The following RBM43 variants were observed in gnomAD, a reference collection of about 807,000 sequenced individuals.
RBM43 encodes the protein RNA-binding protein 43.
A neutral mutation model predicts 12.4 loss-of-function variants in RBM43; 12 were observed. The observed-to-expected ratio is 0.97, with a 90% CI of 0.62 to 1.57. RBM43 has a LOEUF of 1.57. Among genes scored for constraint, RBM43 ranks in the 40% most tolerant of loss-of-function variants. The pLI, the probability that RBM43 is intolerant of heterozygous loss-of-function variation, is 0.00. For missense variants in RBM43, 348 were observed against 400.1 expected (o/e 0.87, Z 1.11); for synonymous variants, 138 against 145.7 (o/e 0.95, Z 0.38).
Position 151,250,977 on chromosome 2 carries a change from T to C in RBM43, c.1003A>G (p.Ile335Val), listed in dbSNP as rs112745900. ...INLYRTHIDI[I>V]GSSSDTYLFK... ...AGGTAAGTGTCAGAAGAAGATCCTA[T>C]AATGTCAATGTGTGTCCTATAAAGG... The change falls in exon 4 of 4, where the codon ATA becomes GTA. Residue 335 changes from isoleucine (I) to valine (V), a missense_variant. Coordinates refer to ENST00000331426, the MANE Select transcript of RBM43 (RefSeq NM_198557.3). 157 of 1,612,670 alleles carry C rather than the reference T, an allele frequency of 9.7e-5. 1 individual carries two copies. In the African/African-American group the frequency reaches 1.7e-3, roughly 17 times the overall value.
chr2:151,252,798 G>C lies in RBM43; in HGVS notation c.272C>G (p.Ala91Gly). Reference protein sequence around the residue: ...KHWLARKTRHAELTVSLRVSH... With the variant: ...KHWLARKTRHGELTVSLRVSH... ...GACTCTGAGAGAGACTGTGAGTTCA[G>C]CATGTCTAGTCTTCCTTGCTAGCCA... The change falls in exon 3 of 4, where the codon GCT becomes GGT. Residue 91 changes from alanine (A) to glycine (G), a missense_variant. Transcript: ENST00000331426. The C allele has an allele frequency of 6.2e-7, 1 of 1,611,722 alleles. No individual in the cohort carries two copies. The highest frequency in any genetic ancestry group is 1.1e-5 in the South Asian group (1 of 91,002).
chr2:151,259,115 G>A (rs1683013035), intron 1 of RBM43, among the ~76,000 whole-genome samples: 2 of 147,242 alleles, frequency 1.4e-5, no homozygotes, highest in South Asian at 4.3e-4. Flanking sequence ...GCCTGCCTGG[G>A]CAATAGAGGG....
intron 1 of RBM43, chr2:151,261,235 T>C: frequency 6.5e-7 from 1 of 1,540,272 alleles, no homozygotes; most frequent in Admixed American, 2.0e-5. Flanking sequence ...GATGTCTTCC[T>C]GACTTGCGTC....
At chr2:151,255,428 C>A (rs1329087572) in intron 2 of RBM43, 105 bp downstream of exon 2, 10 of 727,850 alleles carry the variant, frequency 1.4e-5, no homozygotes, top group Admixed American at 2.7e-5. Flanking sequence ...AAAAAAAAAA[C>A]TACTTTAAAA....
intron 1 of RBM43, among the ~76,000 whole-genome samples, chr2:151,260,604 G>A (rs1173380210): frequency 7.2e-5 from 11 of 152,122 alleles, no homozygotes; most frequent in Admixed American, 7.2e-4. Flanking sequence ...AATTTTGTTT[G>A]GTAAGAACTA....
At position 151,248,043 on chromosome 2, in the gene RBM43, A is replaced by G. The variant is rs1331247505; in HGVS notation, c.*2863T>C. On this transcript the variant is annotated 3_prime_UTR_variant, in exon 4 of 4. Transcript: ENST00000331426. The stretch of plus-strand genomic sequence containing the variant: ...ATTAGATGCAAATTATTTTTCTGAC[A>G]AAATGGGCTAAGGATAAGCTTTAAG... 1.3e-5 allele frequency: 2 copies of G among 152,208 alleles called. No individual in the cohort carries two copies. The highest frequency in any genetic ancestry group is 2.9e-5 in the Non-Finnish European group (2 of 68,008). 9.4% of individuals were successfully genotyped at this position (152,208 alleles called of 1,614,324 possible). A position where few individuals can be genotyped will look rare whatever the true frequency, so the allele number is the denominator to read the frequency against.
At chr2:151,253,263 G>C (rs771195063) in intron 2 of RBM43, among the ~76,000 whole-genome samples, 3 of 152,100 alleles carry the variant, frequency 2.0e-5, no homozygotes, top group Non-Finnish European at 4.4e-5. Context: ...ATGTTGGCGA[G>C]ACCTGGACCT....
intron 1 of RBM43, among the ~76,000 whole-genome samples, chr2:151,260,103 A>T (rs937362825): frequency 4.0e-5 from 6 of 148,864 alleles, no homozygotes; most frequent in Non-Finnish European, 7.4e-5. Context: ...TGACCTCGTG[A>T]TCCGCTCCCC....
rs990488041 is a variant in RBM43 at position 151,248,257 on chromosome 2, C to A, written c.*2649G>T. ...ATACAGTATTTTCTTGGACTCAATTCTTTGTCATTGAAGATAAAAATGCTG... is the reference window on the plus strand; with the variant it reads ...ATACAGTATTTTCTTGGACTCAATTATTTGTCATTGAAGATAAAAATGCTG... On this transcript the variant is annotated 3_prime_UTR_variant, in exon 4 of 4. Coordinates refer to ENST00000331426, the MANE Select transcript of RBM43 (RefSeq NM_198557.3). 6.6e-6 allele frequency: 1 copy of A among 151,926 alleles called. No individual in the cohort carries two copies. Among genetic ancestry groups the A allele is most frequent in the Non-Finnish European group, 1.5e-5 (1 of 67,972 alleles). 9.4% of individuals were successfully genotyped at this position (151,926 alleles called of 1,614,324 possible). A position where few individuals can be genotyped will look rare whatever the true frequency, so the allele number is the denominator to read the frequency against.
In RBM43 at chr2:151,248,357, G is replaced by A. The variant is rs561122185; in HGVS notation, c.*2549C>T. 5 of 152,054 alleles carry A rather than the reference G, an allele frequency of 3.3e-5. No homozygotes were observed. The South Asian group carries it at 1.0e-3, about 31-fold the overall frequency. The allele number at this position is 152,054 out of a possible 1,614,324, so 9.4% of individuals were successfully genotyped here. A position where few individuals can be genotyped will look rare whatever the true frequency, so the allele number is the denominator to read the frequency against. ...TGCTTTAAAAAAAAAACAGTAGGAA[G>A]GTCAAAATGACTTTGTTTTATATCT... On this transcript the variant is annotated 3_prime_UTR_variant, in exon 4 of 4. Coordinates refer to ENST00000331426, the MANE Select transcript of RBM43 (RefSeq NM_198557.3).
At chr2:151,256,014 T>G (rs1682968148) in intron 1 of RBM43, among the ~76,000 whole-genome samples, 1 of 152,116 alleles carries the variant, frequency 6.6e-6, no homozygotes, top group Non-Finnish European at 1.5e-5. Context: ...CAGGCTGGAG[T>G]GCAGTGGTAT....
At position 151,251,015 on chromosome 2, in the gene RBM43, T is replaced by G; in HGVS notation, c.965A>C (p.Glu322Ala). 1 of 1,613,954 alleles carries G rather than the reference T, an allele frequency of 6.2e-7. No individual in the cohort carries two copies. The highest frequency in any genetic ancestry group is 8.5e-7 in the Non-Finnish European group (1 of 1,179,820). ...TGTCCTATAAAGGTTAATCAGGACT[T>G]CAAGGTATCTCGAACTTAATTGTTC... ...ACEQLSSRYL[E>A]VLINLYRTHI... Residue 322 changes from glutamate to alanine, a missense_variant, in exon 4 of 4, where the codon GAA (glutamate) becomes GCA (alanine). Transcript: ENST00000331426.
Position 151,261,353 on chromosome 2 carries a change from T to G in RBM43, c.3+372A>C, listed in dbSNP as rs764840089. On this transcript the variant is annotated intron_variant, in intron 1 of 3. Coordinates refer to ENST00000331426, the MANE Select transcript of RBM43 (RefSeq NM_198557.3). ...CCCCGAGGCGTGGGAGGACAACAGT[T>G]AAGCCCTAACAGCCTGCGAAGCAGC... The G allele has an allele frequency of 9.0e-6, 14 of 1,550,602 alleles. No homozygotes were observed. The South Asian group carries it at 1.2e-4, about 13-fold the overall frequency.
rs1319408855 is a variant in RBM43, at chr2:151,250,939, C to A, written c.1041G>T (p.Gly347=). The A allele has an allele frequency of 1.3e-6, 2 of 1,598,764 alleles. No homozygotes were observed. Among genetic ancestry groups the A allele is most frequent in the Non-Finnish European group, 1.7e-6 (2 of 1,172,544 alleles). Residue 347 remains glycine (G), a synonymous_variant, in exon 4 of 4, where the codon GGG becomes GGT. Coordinates refer to ENST00000331426, the MANE Select transcript of RBM43 (RefSeq NM_198557.3). ...CCTTTTGCCCTATTAATTTCATGACCCCTTTTTTAAACAGGTAAGTGTCAG... is the reference window on the plus strand; with the variant it reads ...CCTTTTGCCCTATTAATTTCATGACACCTTTTTTAAACAGGTAAGTGTCAG... ...SSSDTYLFKK[G]VMKLIGQKVS
chr2:151,260,937 C>T lies in RBM43; in HGVS notation c.3+788G>A, dbSNP rs550991896. On this transcript the variant is annotated intron_variant, in intron 1 of 3. Coordinates refer to ENST00000331426, the MANE Select transcript of RBM43 (RefSeq NM_198557.3). ...GCAAAAAGTATATAGCAAAACTTTA[C>T]TTTTGTAAGTAAGGCATTGGGAAGA... 5.2e-3 allele frequency: 1,561 copies of T among 302,458 alleles called. 10 individuals are homozygous for T. Among genetic ancestry groups the T allele is most frequent in the Middle Eastern group, 0.031 (26 of 848 alleles). 18.7% of individuals were successfully genotyped at this position (302,458 alleles called of 1,614,324 possible).
At chr2:151,251,988 C>T (rs1466786673) in intron 3 of RBM43, among the ~76,000 whole-genome samples, 3 of 152,142 alleles carry the variant, frequency 2.0e-5, no homozygotes, top group Non-Finnish European at 4.4e-5. Context: ...ATAGGGTTCC[C>T]CCAGGAGTCA....
At position 151,249,547 on chromosome 2, in the gene RBM43, G is replaced by C. The variant is rs1479895625; in HGVS notation, c.*1359C>G. ...CTACAGGCGCCCACCACCATGCCCG[G>C]CTAATTTTTGTATTTTTAGTAGAGA... On this transcript the variant is annotated 3_prime_UTR_variant, in exon 4 of 4. Coordinates refer to ENST00000331426, the MANE Select transcript of RBM43 (RefSeq NM_198557.3). 3 of 151,890 alleles carry C rather than the reference G, an allele frequency of 2.0e-5. No individual in the cohort carries two copies. Among genetic ancestry groups the C allele is most frequent in the Admixed American group, 6.6e-5 (1 of 15,212 alleles). 9.4% of individuals were successfully genotyped at this position (151,890 alleles called of 1,614,324 possible).
chr2:151,254,893 G>C (rs746267184), intron 2 of RBM43, among the ~76,000 whole-genome samples: 6 of 152,102 alleles, frequency 3.9e-5, no homozygotes, highest in Non-Finnish European at 8.8e-5. Flanking sequence ...TTGTTTATGA[G>C]ATTATATATC....
In RBM43 at chr2:151,251,580, T is replaced by C; in HGVS notation, c.400A>G (p.Lys134Glu). The part of the protein sequence containing the change: ...TLETLVKDLK[K>E]KIPSLSFSPL... The stretch of plus-strand genomic sequence containing the variant: ...CTGAAGCTTAAACTCGGGATTTTTT[T>C]TTTCAGGTCTTTTACCAGAGTTTCT... Residue 134 changes from lysine (K) to glutamate (E), a missense_variant, in exon 4 of 4, where the codon AAA (lysine) becomes GAA (glutamate). Physicochemically the swap from Lys to Glu is moderately conservative, Grantham distance 56 (BLOSUM62 1). Transcript: ENST00000331426. The C allele has an allele frequency of 1.2e-6, 2 of 1,614,194 alleles. No individual in the cohort carries two copies. Among genetic ancestry groups the C allele is most frequent in the Non-Finnish European group, 1.7e-6 (2 of 1,180,018 alleles).
Sources: allele counts gnomAD v4.1 joint callset (sites outside exome capture counted in the v4.1 genomes callset), GRCh38; gene constraint gnomAD v4.1.1; transcripts MANE v1.5; gene names NCBI Gene and HGNC (gene_info 2026-07-23, HGNC 2026-07-21).